ZSWIM4: variants seen among roughly 807,000 people sequenced by gnomAD.
ZSWIM4 encodes the protein zinc finger SWIM-type containing 4.
A neutral mutation model predicts 102.5 loss-of-function variants in ZSWIM4; 62 were observed. The observed-to-expected ratio is 0.60, with a 90% CI of 0.49 to 0.75. The LOEUF (loss-of-function observed/expected upper bound fraction) is 0.75, where lower values mean the gene tolerates loss of function less well. ZSWIM4 is among the 30% of genes least tolerant of loss of function. The probability of loss-of-function intolerance (pLI) is 0.00; values close to 1 mark genes in which losing one functional copy is unlikely to be tolerated. For synonymous variants in ZSWIM4, 652 were observed against 674.5 expected (o/e 0.97, Z 0.52); for missense variants, 1,280 against 1,529.6 (o/e 0.84, Z 2.72).
At chr19:13,798,394 C>G (rs1057037831) in intron 1 of ZSWIM4, among the ~76,000 whole-genome samples, 2 of 152,084 alleles carry the variant, frequency 1.3e-5, no homozygotes, top group African/African-American at 2.4e-5. Flanking sequence ...GCAATGCTGC[C>G]GCCTCAGCCT....
Position 13,799,590 on chromosome 19 carries a change from G to T in ZSWIM4, c.154-130G>T. The T allele has an allele frequency of 3.4e-6, 3 of 895,264 alleles. No homozygotes were observed. In the South Asian group the frequency reaches 4.5e-5, roughly 13 times the overall value. 55.5% of individuals were successfully genotyped at this position (895,264 alleles called of 1,614,324 possible). A position where few individuals can be genotyped will look rare whatever the true frequency, so the allele number is the denominator to read the frequency against. On this transcript the variant is annotated intron_variant, in intron 1 of 13. Transcript: ENST00000590508. The stretch of plus-strand genomic sequence containing the variant: ...CGTGCCCGGCCAGTTTTTTTGTAAA[G>T]ATGGGAGCCTCTCTATGTTGCCCAG...
At chr19:13,818,508 T>A (rs1975365787) in intron 9 of ZSWIM4, among the ~76,000 whole-genome samples, 1 of 152,248 alleles carries the variant, frequency 6.6e-6, no homozygotes, top group South Asian at 2.1e-4. Context: ...CCACCTTGTA[T>A]CTGAGTCCTG....
intron 2 of ZSWIM4, 135 bp downstream of exon 2, chr19:13,800,056 T>C (rs1227066317): frequency 4.3e-6 from 3 of 700,640 alleles, no homozygotes; most frequent in African/African-American, 2.3e-5. Context: ...CCAGATAGGA[T>C]TGTACAAGAT....
chr19:13,806,668 AC>A (rs1397727352), intron 3 of ZSWIM4, among the ~76,000 whole-genome samples: 1 of 151,474 alleles, frequency 6.6e-6, no homozygotes, highest in African/African-American at 2.4e-5. Flanking sequence ...GACTCAAAAA[AC>A]AAAAAAAAAA....
rs559749634 is a variant in ZSWIM4 at position 13,817,121 on chromosome 19, GC to G, written c.1532-94del. ...GTGAGCAGGTGGTGGGCATTATGGGGCTAGGCTGGCTGGCAGGTCAAGAAGA... is the reference window on the plus strand; with the variant it reads ...GTGAGCAGGTGGTGGGCATTATGGGGTAGGCTGGCTGGCAGGTCAAGAAGA... On this transcript the variant is annotated intron_variant, in intron 7 of 13. Coordinates refer to ENST00000590508, the MANE Select transcript of ZSWIM4 (RefSeq NM_001367834.3). 6.9e-4 allele frequency: 1,032 copies of G among 1,493,670 alleles called. 4 individuals are homozygous for G. In the African/African-American group the frequency reaches 0.013, roughly 19 times the overall value. 92.5% of individuals were successfully genotyped at this position (1,493,670 alleles called of 1,614,324 possible). A position where few individuals can be genotyped will look rare whatever the true frequency, so the allele number is the denominator to read the frequency against.
rs185116070 is a variant in ZSWIM4, at chr19:13,811,243, A to T, written c.1013-1754A>T. Among the ~76,000 whole-genome samples the T allele has an allele frequency of 7.9e-5, 12 of 152,228 alleles. No individual in the cohort carries two copies. In the East Asian group the frequency reaches 1.9e-3, roughly 25 times the overall value. ...TGTTTTCTGTAAGAGACACAGAGTT[A>T]ATGTTATTCAGCCCTGCAGGCCATC... On this transcript the variant is annotated intron_variant, in intron 5 of 13. Transcript: ENST00000590508.
chr19:13,802,748 T>A (rs1193517769), intron 2 of ZSWIM4, among the ~76,000 whole-genome samples: 3 of 151,888 alleles, frequency 2.0e-5, no homozygotes, highest in Non-Finnish European at 2.9e-5. Context: ...TTGACTAGTT[T>A]TTAAGTTTTT....
In ZSWIM4 at chr19:13,817,365, G is replaced by A; in HGVS notation, c.1669+12G>A. 1 of 1,608,506 alleles carries A rather than the reference G, an allele frequency of 6.2e-7. No homozygotes were observed. The highest frequency in any genetic ancestry group is 8.5e-7 in the Non-Finnish European group (1 of 1,176,052). ...TACCCTTTACCCAGGTACTCACATG[G>A]GGTACTCTTGGAGGAGGTGGGACAA... On this transcript the variant is annotated intron_variant, in intron 8 of 13. Coordinates refer to ENST00000590508, the MANE Select transcript of ZSWIM4 (RefSeq NM_001367834.3).
chr19:13,806,941 A>G (rs1432765365), intron 3 of ZSWIM4, among the ~76,000 whole-genome samples: 1 of 151,592 alleles, frequency 6.6e-6, no homozygotes, highest in Non-Finnish European at 1.5e-5. Flanking sequence ...CGAATGGGGT[A>G]GTGGGTGTTT....
rs1460190235 is a variant in ZSWIM4, at chr19:13,825,159, C to G, written c.2216-391C>G. On this transcript the variant is annotated intron_variant, in intron 11 of 13. Coordinates refer to ENST00000590508, the MANE Select transcript of ZSWIM4 (RefSeq NM_001367834.3). The surrounding 1 kb of genome is among the most constrained non-coding windows in gnomAD (Gnocchi z 4.6). ...GGTTCAAGCGATTCTCGTGCCTCAT[C>G]CTCCCAAGTAGCTGGGATTACAGGC... 1.3e-5 allele frequency among the ~76,000 whole-genome samples: 2 copies of G among 151,784 alleles called. No individual in the cohort carries two copies. Among genetic ancestry groups the G allele is most frequent in the Non-Finnish European group, 2.9e-5 (2 of 67,952 alleles).
chr19:13,807,126 A>G (rs1438046524), intron 3 of ZSWIM4, among the ~76,000 whole-genome samples: 1 of 152,014 alleles, frequency 6.6e-6, no homozygotes, highest in East Asian at 1.9e-4. Context: ...GGGTCAATGG[A>G]CAAATGGGCG....
intron 2 of ZSWIM4, among the ~76,000 whole-genome samples, chr19:13,801,153 A>G (rs1974760939): frequency 7.9e-6 from 1 of 126,556 alleles, no homozygotes; most frequent in Non-Finnish European, 1.6e-5. Context: ...AAAGAGAAAA[A>G]AGAAAAAAAA....
At chr19:13,824,854 G>A (rs1278313877) in intron 11 of ZSWIM4, among the ~76,000 whole-genome samples, 1 of 151,930 alleles carries the variant, frequency 6.6e-6, no homozygotes, top group Non-Finnish European at 1.5e-5. Context: ...TGTGAGGTGG[G>A]TTCCATTGCC....
chr19:13,804,444 T>C (rs1974856750), intron 2 of ZSWIM4, among the ~76,000 whole-genome samples: 1 of 151,648 alleles, frequency 6.6e-6, no homozygotes, highest in Admixed American at 6.6e-5. Flanking sequence ...CACTCCTGCC[T>C]GGGCAACAGA....
chr19:13,817,813 G>GCTGGCGCTGGAGCCCCA lies in ZSWIM4; in HGVS notation c.1761_1762insCTGGCGCTGGAGCCCCA (p.Ala588LeufsTer105). On this transcript the variant is annotated frameshift_variant, in exon 9 of 14. Transcript: ENST00000590508. LOFTEE classifies it high-confidence loss of function. Reference sequence around the variant, plus strand: ...CCTACTTGGTGCTGGCGCTGGAGGTGGCACTGCTGGGGCTGGGGCAGCAGC... The same window carrying GCTGGCGCTGGAGCCCCA: ...CCTACTTGGTGCTGGCGCTGGAGGTGCTGGCGCTGGAGCCCCAGCACTGCTGGGGCTGGGGCAGCAGC... The GCTGGCGCTGGAGCCCCA allele has an allele frequency of 6.3e-7, 1 of 1,582,124 alleles. No individual in the cohort carries two copies. The highest frequency in any genetic ancestry group is 8.6e-7 in the Non-Finnish European group (1 of 1,165,192).
In ZSWIM4 at chr19:13,830,532, C is replaced by T. The variant is rs915011373; in HGVS notation, c.2803C>T (p.Pro935Ser). The change falls in exon 14 of 14, where the codon CCG (proline) becomes TCG (serine). Residue 935 changes from proline (P) to serine (S), a missense_variant. Pro to Ser is a moderately conservative substitution (Grantham distance 74, BLOSUM62 -1). Coordinates refer to ENST00000590508, the MANE Select transcript of ZSWIM4 (RefSeq NM_001367834.3). ...CCGCTATATGGAGCACCGCGGGCTG[C>T]CGCTCCGGGCCTACAAGCTGGCGAC... is the stretch of plus-strand genomic sequence containing the variant. ...VARYMEHRGL[P>S]LRAYKLATLA... The T allele has an allele frequency of 6.3e-7, 1 of 1,599,374 alleles. No individual in the cohort carries two copies. Among genetic ancestry groups the T allele is most frequent in the Non-Finnish European group, 8.5e-7 (1 of 1,179,364 alleles).
At chr19:13,815,019 G>T in intron 7 of ZSWIM4, 154 bp downstream of exon 7, 1 of 352,780 alleles carries the variant, frequency 2.8e-6, no homozygotes, top group South Asian at 3.1e-5. Context: ...AAAATTAGCT[G>T]GATGTGGTGG....
chr19:13,817,597 C>A, intron 8 of ZSWIM4, 125 bp from the exon 9 acceptor site: 2 of 1,242,744 alleles, frequency 1.6e-6, no homozygotes, highest in Non-Finnish European at 2.2e-6. Context: ...CCCGTGAGTG[C>A]TGGGAGCTTC....
chr19:13,805,907 G>T (rs1974906917), intron 3 of ZSWIM4, among the ~76,000 whole-genome samples: 1 of 150,488 alleles, frequency 6.6e-6, no homozygotes, highest in African/African-American at 2.4e-5. Context: ...GGAGGCAGAG[G>T]TTGCAGTGAG....
Sources: allele counts gnomAD v4.1 joint callset (sites outside exome capture counted in the v4.1 genomes callset), GRCh38; gene constraint gnomAD v4.1.1; non-coding constraint Gnocchi (gnomAD v3.1); transcripts MANE v1.5; gene names NCBI Gene and HGNC (gene_info 2026-07-23, HGNC 2026-07-21).